Variants in PTPRA observed in about 807,000 individuals in gnomAD.
The protein encoded by PTPRA is receptor-type tyrosine-protein phosphatase alpha.
A neutral mutation model predicts 104.8 loss-of-function variants in PTPRA; 25 were observed. The ratio of observed to expected loss-of-function variants is 0.24; its 90% confidence interval spans 0.17 to 0.33. The LOEUF is 0.33. Among genes scored for constraint, PTPRA ranks in the 10% least tolerant of loss-of-function variants. PTPRA has a pLI of 1.00. For synonymous variants in PTPRA, 323 were observed against 368.9 expected (o/e 0.88, Z 1.43); for missense variants, 765 against 1,015.3 (o/e 0.75, Z 3.35).
At chr20:2,877,237 A>T (rs1398936211) in intron 1 of PTPRA, among the ~76,000 whole-genome samples, 1 of 152,106 alleles carries the variant, frequency 6.6e-6, no homozygotes, top group African/African-American at 2.4e-5. Flanking sequence ...GACAAAGCTG[A>T]AGAGATGTTT....
At chr20:2,960,718 A>G (rs2061724681) in intron 3 of PTPRA, among the ~76,000 whole-genome samples, 1 of 151,802 alleles carries the variant, frequency 6.6e-6, no homozygotes, top group African/African-American at 2.4e-5. Flanking sequence ...TGTATTTTTT[A>G]TAGAAATGTG....
intron 20 of PTPRA, among the ~76,000 whole-genome samples, chr20:3,034,543 T>C (rs2065703313): frequency 6.8e-6 from 1 of 147,204 alleles, no homozygotes; most frequent in Non-Finnish European, 1.5e-5. Context: ...GAGGTGAGCC[T>C]TAATGAGAAT....
the PTPRA span, chr20:2,864,586 T>C: frequency 1.2e-6 from 2 of 1,614,110 alleles, no homozygotes; most frequent in Non-Finnish European, 1.7e-6. This position sits in a 1 kb window ranked among gnomAD's most constrained non-coding sequence, Gnocchi z 5.2. Context: ...GAAGGACCTT[T>C]ACAATCAGGA....
intron 1 of PTPRA, among the ~76,000 whole-genome samples, chr20:2,910,600 G>GTT (rs1324636448): frequency 1.6e-5 from 1 of 64,430 alleles, no homozygotes; most frequent in African/African-American, 6.5e-5. Context: ...TTTTTTTTTT[G>GTT]TTTTTTTTAA....
chr20:2,946,547 C>A (rs1328699405), intron 2 of PTPRA, among the ~76,000 whole-genome samples: 1 of 152,036 alleles, frequency 6.6e-6, no homozygotes, highest in Non-Finnish European at 1.5e-5. Context: ...CATCTTATTT[C>A]TCTGTTTAAA....
upstream of PTPRA, among the ~76,000 whole-genome samples, chr20:2,868,948 G>A (rs1216685246): frequency 6.6e-6 from 1 of 152,156 alleles, no homozygotes; most frequent in Non-Finnish European, 1.5e-5. Context: ...TATATCAACA[G>A]TGATTTCAAC....
At chr20:3,017,258 GACCAGT>G (rs1039986238) in intron 12 of PTPRA, among the ~76,000 whole-genome samples, 7 of 152,200 alleles carry the variant, frequency 4.6e-5, no homozygotes, top group African/African-American at 1.7e-4. Context: ...ATCATTCTAA[GACCAGT>G]ACCCTGGGAA....
intron 5 of PTPRA, among the ~76,000 whole-genome samples, chr20:2,967,503 TG>T (rs1252318092): frequency 6.6e-6 from 1 of 152,236 alleles, no homozygotes; most frequent in African/African-American, 2.4e-5. Flanking sequence ...ATAAATGGAT[TG>T]TTTTTCTTGT....
intron 1 of PTPRA, among the ~76,000 whole-genome samples, chr20:2,906,489 G>T (rs565821457): frequency 6.6e-6 from 1 of 152,238 alleles, no homozygotes; most frequent in African/African-American, 2.4e-5. Flanking sequence ...TAATACGTAC[G>T]TTCTGATATA....
intron 1 of PTPRA, among the ~76,000 whole-genome samples, chr20:2,875,867 C>G (rs1727793866): frequency 1.3e-5 from 2 of 152,036 alleles, no homozygotes; most frequent in African/African-American, 2.4e-5. Context: ...GAAAGCTTTC[C>G]TGGGACGGGG....
intron 9 of PTPRA, among the ~76,000 whole-genome samples, chr20:2,998,193 AAAAG>A (rs1487647218): frequency 6.6e-6 from 1 of 152,060 alleles, no homozygotes; most frequent in Non-Finnish European, 1.5e-5. Context: ...AAAAAAAAAA[AAAAG>A]GCTTAGCTCC....
At chr20:2,998,236 A>T (rs1384673749) in intron 9 of PTPRA, among the ~76,000 whole-genome samples, 1 of 152,064 alleles carries the variant, frequency 6.6e-6, no homozygotes, top group Non-Finnish European at 1.5e-5. Context: ...AGAGAAAGAA[A>T]AGAGGGAAAG....
chr20:2,902,887 A>G (rs2059288632), intron 1 of PTPRA, among the ~76,000 whole-genome samples: 1 of 152,222 alleles, frequency 6.6e-6, no homozygotes, highest in Non-Finnish European at 1.5e-5. Flanking sequence ...AAATGAAAAT[A>G]TGAAATATTA....
At chr20:2,970,896 T>A (rs1288265779) in intron 5 of PTPRA, among the ~76,000 whole-genome samples, 1 of 152,186 alleles carries the variant, frequency 6.6e-6, no homozygotes, top group Non-Finnish European at 1.5e-5. Context: ...TCCCCAAATA[T>A]CTAACTTGTC....
At chr20:3,011,999 T>G (rs2064193308) in intron 11 of PTPRA, among the ~76,000 whole-genome samples, 3 of 152,178 alleles carry the variant, frequency 2.0e-5, no homozygotes, top group Admixed American at 2.0e-4. Context: ...CCCCAAGTCT[T>G]GTGTGGGAGC....
intron 11 of PTPRA, among the ~76,000 whole-genome samples, chr20:3,010,357 G>A (rs547917119): frequency 5.3e-5 from 8 of 151,656 alleles, no homozygotes; most frequent in South Asian, 4.2e-4. Context: ...AGCCGGGTGC[G>A]GTGGCTCACG....
At chr20:3,032,517 C>T (rs1352676665) in intron 20 of PTPRA, among the ~76,000 whole-genome samples, 2 of 152,098 alleles carry the variant, frequency 1.3e-5, no homozygotes, top group East Asian at 1.9e-4. Context: ...CCTGTAATCC[C>T]AGCACTTTGG....
At chr20:2,891,663 T>A (rs554000931) in intron 1 of PTPRA, among the ~76,000 whole-genome samples, 1 of 151,918 alleles carries the variant, frequency 6.6e-6, no homozygotes, top group East Asian at 1.9e-4. Context: ...AGATTAAACA[T>A]TTATAGTCTC....
rs1314692915 is a variant in PTPRA, at chr20:2,910,261, G to A, written c.-128-12946G>A. Reference sequence around the variant, plus strand: ...ATATTATATATAATATATATATAAGGCACAGTGGAGGGTATGCATTATATA... The same window carrying A: ...ATATTATATATAATATATATATAAGACACAGTGGAGGGTATGCATTATATA... On this transcript the variant is annotated intron_variant, in intron 1 of 23. Transcript: ENST00000399903. Among the ~76,000 whole-genome samples, 11 of 96,044 alleles carry A rather than the reference G, an allele frequency of 1.1e-4. No individual in the cohort carries two copies. The South Asian group carries it at 1.6e-3, about 14-fold the overall frequency. 63.0% of individuals were successfully genotyped at this position (96,044 alleles called of 152,430 possible). A position where few individuals can be genotyped will look rare whatever the true frequency, so the allele number is the denominator to read the frequency against.
Sources: gnomAD v4.1 joint callset for allele counts (sites outside exome capture counted in the v4.1 genomes callset) on GRCh38, gnomAD v4.1.1 for gene constraint, Gnocchi (gnomAD v3.1) non-coding constraint, MANE v1.5 for transcripts, NCBI Gene and HGNC (gene_info 2026-07-23, HGNC 2026-07-21) for gene names.